The following GFRA1 variants were observed in gnomAD, a reference collection of about 807,000 sequenced individuals.
The protein encoded by GFRA1 is GDNF family receptor alpha 1, also known as GDNF family receptor alpha-1.
Under a neutral mutation model 51.6 loss-of-function variants are expected in GFRA1, and 16 were observed. The ratio of observed to expected loss-of-function variants is 0.31; its 90% CI spans 0.21 to 0.47. GFRA1 has a LOEUF of 0.47. GFRA1 is among the 20% of genes least tolerant of loss of function. The pLI is 1.00. For missense variants in GFRA1, 530 were observed against 594.3 expected (o/e 0.89, Z 1.13); for synonymous variants, 270 against 241.3 (o/e 1.12, Z -1.10).
intron 4 of GFRA1, among the ~76,000 whole-genome samples, chr10:116,268,143 G>T (rs376248757): frequency 6.6e-6 from 1 of 152,086 alleles, no homozygotes; most frequent in Non-Finnish European, 1.5e-5. Flanking sequence ...CAATGATGCC[G>T]GTATAAGAAC....
chr10:116,110,547 G>A (rs1957168215), intron 6 of GFRA1, among the ~76,000 whole-genome samples: 1 of 152,170 alleles, frequency 6.6e-6, no homozygotes, highest in South Asian at 2.1e-4. Flanking sequence ...TCTAAGCCTA[G>A]GAATACTGGG....
intron 9 of GFRA1, among the ~76,000 whole-genome samples, chr10:116,084,479 C>T (rs999089475): frequency 2.0e-5 from 3 of 152,166 alleles, no homozygotes; most frequent in African/African-American, 4.8e-5. Context: ...CTATCCTCAC[C>T]TACCCTGCTC....
chr10:116,139,507 T>G (rs1226635543), intron 5 of GFRA1, among the ~76,000 whole-genome samples: 1 of 152,242 alleles, frequency 6.6e-6, no homozygotes, highest in Non-Finnish European at 1.5e-5. Context: ...CTTGCTTGAA[T>G]GGTTCCATTT....
upstream of GFRA1, among the ~76,000 whole-genome samples, chr10:116,273,907 G>T (rs1456503791): frequency 6.6e-6 from 1 of 152,028 alleles, no homozygotes; most frequent in Non-Finnish European, 1.5e-5. Flanking sequence ...CCACGCCAGC[G>T]CGTGCACACT....
At chr10:116,179,627 G>A (rs1962010887) in intron 5 of GFRA1, among the ~76,000 whole-genome samples, 1 of 152,118 alleles carries the variant, frequency 6.6e-6, no homozygotes, top group South Asian at 2.1e-4. Context: ...AGATATGGTG[G>A]GCCTTTTGGG....
At chr10:116,243,747 C>G (rs1967612260) in intron 4 of GFRA1, among the ~76,000 whole-genome samples, 1 of 152,104 alleles carries the variant, frequency 6.6e-6, no homozygotes, top group Non-Finnish European at 1.5e-5. Context: ...CTGAGAACCA[C>G]TGTGACAAGG....
intron 4 of GFRA1, among the ~76,000 whole-genome samples, chr10:116,228,592 G>C (rs1306333822): frequency 6.6e-6 from 1 of 152,038 alleles, no homozygotes. Flanking sequence ...CCCTAAAGTT[G>C]GATAATCTTC....
intron 5 of GFRA1, among the ~76,000 whole-genome samples, chr10:116,175,640 C>T (rs1961510770): frequency 6.6e-6 from 1 of 152,158 alleles, no homozygotes; most frequent in African/African-American, 2.4e-5. Context: ...CGTCAGGGTC[C>T]CTTTGTTTGG....
Position 116,270,841 on chromosome 10 carries a change from G to A in GFRA1, c.315C>T (p.Ser105=). 1 of 1,613,546 alleles carries A rather than the reference G, an allele frequency of 6.2e-7. No individual in the cohort carries two copies. The change falls in exon 3 of 11, where the codon AGC becomes AGT. Residue 105 remains serine (S), a synonymous_variant. Coordinates refer to ENST00000355422, the MANE Select transcript of GFRA1 (RefSeq NM_005264.8). ...KEKNCLRIYW[S]MYQSLQGNDL... is the part of the protein sequence containing the mutation. ...GCGTACCCTGCAGGCTCTGGTACAT[G>A]CTCCAGTAAATGCGCAGGCAGTTCT...
chr10:116,137,593 G>C (rs1958384527), intron 5 of GFRA1, among the ~76,000 whole-genome samples: 1 of 152,034 alleles, frequency 6.6e-6, no homozygotes, highest in African/African-American at 2.4e-5. Context: ...GTTTCTTCTG[G>C]AAAGATAAAC....
chr10:116,240,284 G>C (rs988308280), intron 4 of GFRA1, among the ~76,000 whole-genome samples: 19 of 152,100 alleles, frequency 1.2e-4, no homozygotes, highest in Admixed American at 5.9e-4. Flanking sequence ...GTTCTTGCTG[G>C]AAGAGAAGAC....
chr10:116,098,959 C>A (rs573329554), intron 6 of GFRA1, among the ~76,000 whole-genome samples: 66 of 152,292 alleles, frequency 4.3e-4, no homozygotes, highest in Admixed American at 8.5e-4. Flanking sequence ...CATATCCTGG[C>A]CCTATGACCC....
chr10:116,141,446 A>G (rs190735495), intron 5 of GFRA1, among the ~76,000 whole-genome samples: 67 of 152,348 alleles, frequency 4.4e-4, no homozygotes, highest in Non-Finnish European at 1.5e-4. Flanking sequence ...TAGTACTATT[A>G]ATCACATTCC....
At chr10:116,202,660 A>C (rs1589868707) in intron 5 of GFRA1, among the ~76,000 whole-genome samples, 1 of 152,062 alleles carries the variant, frequency 6.6e-6, no homozygotes, top group East Asian at 1.9e-4. Context: ...GGAGCAGGAG[A>C]GAGAGAGAGC....
At chr10:116,215,362 G>C (rs895409329) in intron 4 of GFRA1, among the ~76,000 whole-genome samples, 1 of 152,110 alleles carries the variant, frequency 6.6e-6, no homozygotes, top group African/African-American at 2.4e-5. Context: ...CGCTACCCTG[G>C]TGTTCCTGTC....
intron 5 of GFRA1, among the ~76,000 whole-genome samples, chr10:116,162,442 C>T (rs1029796195): frequency 1.3e-5 from 2 of 152,328 alleles, no homozygotes; most frequent in South Asian, 2.1e-4. Context: ...AAGCGGTACT[C>T]GCATCCTTGG....
chr10:116,166,074 T>G (rs1176041136), intron 5 of GFRA1, among the ~76,000 whole-genome samples: 1 of 152,214 alleles, frequency 6.6e-6, no homozygotes, highest in Non-Finnish European at 1.5e-5. Context: ...CTGCATTAGT[T>G]TGCTAAGGAT....
chr10:116,148,076 ATG>A (rs58162393), intron 5 of GFRA1, among the ~76,000 whole-genome samples: 29 of 31,566 alleles, frequency 9.2e-4, no homozygotes, highest in East Asian at 1.3e-3. Flanking sequence ...GCGTGTGTGC[ATG>A]TGTGTGTGTG....
chr10:116,257,514 C>A (rs1362090958), intron 4 of GFRA1, among the ~76,000 whole-genome samples: 1 of 152,194 alleles, frequency 6.6e-6, no homozygotes, highest in African/African-American at 2.4e-5. Flanking sequence ...CCATTTCCAC[C>A]TGGAGCTGAG....
Sources: gnomAD v4.1 joint callset for allele counts (sites outside exome capture counted in the v4.1 genomes callset) on GRCh38, gnomAD v4.1.1 for gene constraint, MANE v1.5 for transcripts, NCBI Gene and HGNC (gene_info 2026-07-23, HGNC 2026-07-21) for gene names.